Variants in NRG3 observed in about 807,000 individuals in gnomAD.
The protein encoded by NRG3 is pro-neuregulin-3, membrane-bound isoform.
A neutral mutation model predicts 66.9 loss-of-function variants in NRG3; 31 were observed. The ratio of observed to expected loss-of-function variants is 0.46; its 90% CI spans 0.35 to 0.63. The LOEUF is 0.63. NRG3 is among the 20% of genes least tolerant of loss of function. The probability of loss-of-function intolerance (pLI) is 0.00; values close to 1 mark genes in which losing one functional copy is unlikely to be tolerated. For missense variants in NRG3, 910 were observed against 878.9 expected (o/e 1.04, Z -0.45); for synonymous variants, 393 against 359.4 (o/e 1.09, Z -1.06).
intron 1 of NRG3, among the ~76,000 whole-genome samples, chr10:82,118,318 C>A (rs1564579288): frequency 6.6e-6 from 1 of 151,506 alleles, no homozygotes; most frequent in Admixed American, 6.6e-5. Flanking sequence ...CTTTCTGATT[C>A]ATGCCTCTGT....
At chr10:81,889,760 TTAGA>T (rs1318559059) in intron 1 of NRG3, 1 of 152,186 alleles carries the variant, frequency 6.6e-6, no homozygotes. Context: ...TTTTATTGAC[TTAGA>T]TAAAGATATA....
intron 2 of NRG3, among the ~76,000 whole-genome samples, chr10:82,638,514 G>C (rs908012245): frequency 6.6e-6 from 1 of 152,148 alleles, no homozygotes; most frequent in Non-Finnish European, 1.5e-5. Flanking sequence ...GAAATGAATT[G>C]TGACTTATGT....
At chr10:82,701,744 A>G (rs896840616) in intron 2 of NRG3, among the ~76,000 whole-genome samples, 13 of 152,194 alleles carry the variant, frequency 8.5e-5, no homozygotes, top group African/African-American at 3.1e-4. Context: ...GCTTTAAAAC[A>G]TGTTATCTCA....
At chr10:82,382,689 G>A (rs1161746862) in intron 2 of NRG3, among the ~76,000 whole-genome samples, 2 of 151,754 alleles carry the variant, frequency 1.3e-5, no homozygotes, top group Admixed American at 6.6e-5. Flanking sequence ...CTTATTAAAG[G>A]TCCCATTATT....
intron 1 of NRG3, among the ~76,000 whole-genome samples, chr10:82,027,079 G>A (rs916728990): frequency 6.6e-6 from 1 of 151,980 alleles, no homozygotes; most frequent in East Asian, 1.9e-4. Flanking sequence ...GAAACTTTTT[G>A]TCAAATCAAT....
At chr10:82,631,585 G>T in intron 2 of NRG3, among the ~76,000 whole-genome samples, 1 of 144,796 alleles carries the variant, frequency 6.9e-6, no homozygotes. Context: ...GCCTTCAGCC[G>T]TGGTTTTTTT....
At chr10:81,968,864 T>A (rs1376022710) in intron 1 of NRG3, among the ~76,000 whole-genome samples, 1 of 152,134 alleles carries the variant, frequency 6.6e-6, no homozygotes, top group Admixed American at 6.5e-5. Context: ...GGTGCTTATC[T>A]CTTTGGAGAT....
intron 2 of NRG3, among the ~76,000 whole-genome samples, chr10:82,548,764 A>G (rs1014231531): frequency 1.5e-5 from 2 of 132,534 alleles, no homozygotes; most frequent in Admixed American, 7.3e-5. Flanking sequence ...TAAATAAATT[A>G]ATTAATTAAT....
At chr10:82,398,099 C>A (rs989324324) in intron 2 of NRG3, among the ~76,000 whole-genome samples, 3 of 152,162 alleles carry the variant, frequency 2.0e-5, no homozygotes, top group Admixed American at 1.3e-4. Context: ...GAGTGCCAGA[C>A]ACCCAGGGCT....
intron 3 of NRG3, among the ~76,000 whole-genome samples, chr10:82,742,258 A>C (rs1290230544): frequency 4.6e-5 from 7 of 152,162 alleles, no homozygotes; most frequent in Admixed American, 4.6e-4. Context: ...AATTTTAAAA[A>C]TAAAATCTTA....
At chr10:82,117,969 G>A (rs1289477188) in intron 1 of NRG3, among the ~76,000 whole-genome samples, 2 of 152,100 alleles carry the variant, frequency 1.3e-5, no homozygotes, top group East Asian at 3.9e-4. Flanking sequence ...AAAAATGGTG[G>A]TGTAAAGACT....
At chr10:82,691,981 A>G (rs2054966187) in intron 2 of NRG3, among the ~76,000 whole-genome samples, 1 of 152,170 alleles carries the variant, frequency 6.6e-6, no homozygotes, top group South Asian at 2.1e-4. Flanking sequence ...CTAATAAAAC[A>G]GGATAAAAGG....
chr10:82,959,200 G>A (rs192723913), intron 6 of NRG3, 125 bp downstream of exon 6: 23 of 1,082,722 alleles, frequency 2.1e-5, no homozygotes, highest in South Asian at 7.1e-5. Flanking sequence ...TGCTTAAATC[G>A]TTTTAACAGT....
At chr10:82,503,598 G>A (rs962651240) in intron 2 of NRG3, among the ~76,000 whole-genome samples, 6 of 152,072 alleles carry the variant, frequency 3.9e-5, no homozygotes, top group Non-Finnish European at 8.8e-5. Flanking sequence ...GATCTCACGG[G>A]GCCCTCAATC....
chr10:82,362,098 A>AGG (rs2084181700), intron 2 of NRG3, among the ~76,000 whole-genome samples: 1 of 145,482 alleles, frequency 6.9e-6, no homozygotes, highest in African/African-American at 2.6e-5. Flanking sequence ...AAAAAAAAAA[A>AGG]AAAAAAAAAA....
In NRG3 at chr10:82,232,724, A is replaced by G. The variant is rs187701684; in HGVS notation, c.824-126015A>G. 5 of 717,152 alleles carry G rather than the reference A, an allele frequency of 7.0e-6. No homozygotes were observed. The East Asian group carries it at 1.3e-4, about 19-fold the overall frequency. 44.4% of individuals were successfully genotyped at this position (717,152 alleles called of 1,614,324 possible). On this transcript the variant is annotated intron_variant, in intron 1 of 8. Transcript: ENST00000372141. ...ACACAGGAGAGACTCGAGAAAATAAAGTATTTTCTACTCACAGGTCCTAGA... is the reference window on the plus strand; with the variant it reads ...ACACAGGAGAGACTCGAGAAAATAAGGTATTTTCTACTCACAGGTCCTAGA...
chr10:82,726,964 A>G (rs572962093), intron 2 of NRG3, among the ~76,000 whole-genome samples: 1 of 152,174 alleles, frequency 6.6e-6, no homozygotes, highest in Non-Finnish European at 1.5e-5. Context: ...TTTTACAAAG[A>G]GACTGGTGGC....
chr10:82,955,965 T>G (rs752143409), intron 5 of NRG3, among the ~76,000 whole-genome samples: 1 of 151,884 alleles, frequency 6.6e-6, no homozygotes, highest in Non-Finnish European at 1.5e-5. Flanking sequence ...CCTCTGAGGT[T>G]TGCTGAGGTT....
In NRG3 at chr10:82,349,885, C is replaced by T. The variant is rs796287065; in HGVS notation, c.824-8854C>T. Among the ~76,000 whole-genome samples, 13 of 152,316 alleles carry T rather than the reference C, an allele frequency of 8.5e-5. 1 individual carries two copies. The highest frequency in any genetic ancestry group is 2.4e-4 in the African/African-American group (10 of 41,580). On this transcript the variant is annotated intron_variant, in intron 1 of 8. Coordinates refer to ENST00000372141, the MANE Select transcript of NRG3 (RefSeq NM_001010848.4). ...AGAAACGGAACTCCCTGACCCCTTG[C>T]GCTTCCCAAGTGAGGCAATGCCTCG...
Sources: gnomAD v4.1 joint callset for allele counts (sites outside exome capture counted in the v4.1 genomes callset) on GRCh38, gnomAD v4.1.1 for gene constraint, MANE v1.5 for transcripts, NCBI Gene and HGNC (gene_info 2026-07-23, HGNC 2026-07-21) for gene names.